The following CD69 variants were observed in gnomAD, a reference collection of about 807,000 sequenced individuals.
CD69 encodes the protein CD69 molecule.
Under a neutral mutation model 21.4 loss-of-function variants are expected in CD69, and 10 were observed. That is an observed-to-expected ratio of 0.47 (90% CI 0.29 to 0.79). CD69 has a LOEUF of 0.79. CD69 is among the 30% of genes least tolerant of loss of function. The probability of loss-of-function intolerance (pLI) is 0.09; values close to 1 mark genes in which losing one functional copy is unlikely to be tolerated. For synonymous variants in CD69, 63 were observed against 78.2 expected (o/e 0.81, Z 1.03); for missense variants, 204 against 236.9 (o/e 0.86, Z 0.91).
intron 1 of CD69, among the ~76,000 whole-genome samples, chr12:9,758,246 G>T (rs931788885): frequency 6.6e-6 from 1 of 152,190 alleles, no homozygotes; most frequent in African/African-American, 2.4e-5. Flanking sequence ...TGCAGGATGA[G>T]CTGTCAGGAG....
rs773321248 is a variant in CD69 at position 9,760,738 on chromosome 12, G to A, written c.64+19C>T. 3 of 1,589,150 alleles carry A rather than the reference G, an allele frequency of 1.9e-6. No homozygotes were observed. The highest frequency in any genetic ancestry group is 1.1e-5 in the South Asian group (1 of 90,550). ...TATAGAGATACCAGAGAGTAAATAG[G>A]CAATCAGATCTGACTTACTTTCTTG... On this transcript the variant is annotated intron_variant, in intron 1 of 4. Transcript: ENST00000228434.
chr12:9,754,621 A>C lies in CD69; in HGVS notation c.457T>G (p.Trp153Gly). ...AATTCTTTGCCATTTGACCACTTCC[A>C]TGGGTGACCAGGTTCCTTTTTCAGT... ...VGLKKEPGHP[W>G]KWSNGKEFNN... Residue 153 changes from tryptophan to glycine, a missense_variant, in exon 4 of 5, where the codon TGG becomes GGG. By Grantham distance (184) the Trp-to-Gly change is radical. Coordinates refer to ENST00000228434, the MANE Select transcript of CD69 (RefSeq NM_001781.2). 6.2e-7 allele frequency: 1 copy of C among 1,612,220 alleles called. No individual in the cohort carries two copies. The highest frequency in any genetic ancestry group is 8.5e-7 in the Non-Finnish European group (1 of 1,178,276).
rs149884332 is a variant in CD69, at chr12:9,760,806, A to G, written c.15T>C (p.Asn5=). 1.2e-5 allele frequency: 20 copies of G among 1,612,178 alleles called. No homozygotes were observed. In the East Asian group the frequency reaches 3.6e-4, roughly 29 times the overall value. Residue 5 remains asparagine, a synonymous_variant, in exon 1 of 5, where the codon AAT becomes AAC. Transcript: ENST00000228434. The part of the protein sequence containing the change: MSSE[N]CFVAENSSLH... ...AAGAGCTGTTCTCTGCTACGAAACA[A>G]TTTTCAGAGCTCATCTTTATTCTCA...
At chr12:9,760,108 A>T (rs1753038864) in intron 1 of CD69, among the ~76,000 whole-genome samples, 1 of 151,898 alleles carries the variant, frequency 6.6e-6, no homozygotes, top group South Asian at 2.1e-4. Context: ...CATTTTCGGG[A>T]ATTCTTTTGT....
chr12:9,756,265 G>C, intron 2 of CD69, 32 bp downstream of exon 2: 4 of 1,590,094 alleles, frequency 2.5e-6, no homozygotes. Flanking sequence ...CAGCTAGGAG[G>C]CTTTGAAAGA....
intron 2 of CD69, 147 bp from the exon 3 acceptor site, chr12:9,755,408 A>G (rs1866671677): frequency 1.5e-6 from 1 of 655,976 alleles, no homozygotes; most frequent in Non-Finnish European, 2.7e-6. Flanking sequence ...AAGGGTATGA[A>G]GAAAGAAAGT....
rs752061491 is a variant in CD69, at chr12:9,756,389, C to T, written c.95G>A (p.Arg32His). ...AGGAACTTGGAAGGACCCTTCATGA[C>T]GTGTTGAGAAATGGGGACTGGTGGC... The part of the protein sequence containing the change: ...NDATSPHFST[R>H]HEGSFQVPVL... The change falls in exon 2 of 5, where the codon CGT becomes CAT. Residue 32 changes from arginine (R) to histidine (H), a missense_variant. Coordinates refer to ENST00000228434, the MANE Select transcript of CD69 (RefSeq NM_001781.2). The T allele has an allele frequency of 1.1e-5, 17 of 1,613,474 alleles. No homozygotes were observed. Among genetic ancestry groups the T allele is most frequent in the South Asian group, 3.3e-5 (3 of 91,044 alleles).
intron 4 of CD69, among the ~76,000 whole-genome samples, chr12:9,753,980 G>C (rs921697700): frequency 6.6e-6 from 1 of 152,134 alleles, no homozygotes; most frequent in African/African-American, 2.4e-5. Flanking sequence ...TGGAGCCATA[G>C]GACAAATATT....
chr12:9,753,475 T>A lies in CD69; in HGVS notation c.*6A>T. 8.5e-7 allele frequency: 1 copy of A among 1,173,134 alleles called. No homozygotes were observed. The highest frequency in any genetic ancestry group is 1.3e-6 in the Non-Finnish European group (1 of 785,558). The allele number at this position is 1,173,134 out of a possible 1,614,324, so 72.7% of individuals were successfully genotyped here. A position where few individuals can be genotyped will look rare whatever the true frequency, so the allele number is the denominator to read the frequency against. On this transcript the variant is annotated 3_prime_UTR_variant, in exon 5 of 5. Transcript: ENST00000228434. The stretch of plus-strand genomic sequence containing the variant: ...ATAATAGTCAATAAGTGAACATGTT[T>A]CCTTATTATTTGTAAGGTTTGTTAC...
chr12:9,754,105 A>T (rs1182451848), intron 4 of CD69: 1 of 153,448 alleles, frequency 6.5e-6, no homozygotes, highest in Admixed American at 6.5e-5. Flanking sequence ...ACTAAAGGTA[A>T]TGAAAATAGA....
At chr12:9,759,820 A>G (rs982030156) in intron 1 of CD69, among the ~76,000 whole-genome samples, 2 of 152,216 alleles carry the variant, frequency 1.3e-5, no homozygotes, top group Non-Finnish European at 2.9e-5. Context: ...CTAAGGAGAA[A>G]GAGGGATAAA....
At chr12:9,760,735 T>C (rs769191470) in intron 1 of CD69, 22 bp downstream of exon 1, 9 of 1,578,134 alleles carry the variant, frequency 5.7e-6, no homozygotes, top group Non-Finnish European at 7.8e-6. Flanking sequence ...AGAGAGTAAA[T>C]AGGCAATCAG....
rs987326485 is a variant in CD69, at chr12:9,759,018, C to T, written c.64+1739G>A. 3.9e-4 allele frequency among the ~76,000 whole-genome samples: 60 copies of T among 152,110 alleles called. No homozygotes were observed. The Middle Eastern group carries it at 0.014, about 34-fold the overall frequency. Reference sequence around the variant, plus strand: ...GATCTCGGCTCACTGCAAGCTCCGCCTCCCGGGTTCACGCCATTCTCCTGC... The same window carrying T: ...GATCTCGGCTCACTGCAAGCTCCGCTTCCCGGGTTCACGCCATTCTCCTGC... On this transcript the variant is annotated intron_variant, in intron 1 of 4. Transcript: ENST00000228434.
intron 1 of CD69, among the ~76,000 whole-genome samples, chr12:9,760,136 A>G (rs1156924022): frequency 6.6e-6 from 1 of 152,168 alleles, no homozygotes; most frequent in African/African-American, 2.4e-5. Flanking sequence ...TTTTTTAGCA[A>G]ATTACAAATG....
rs1459734248 is a variant in CD69 at position 9,753,319 on chromosome 12, CT to C, written c.*161del. Reference sequence around the variant, plus strand: ...GTGCAGATTTTCCTGGAATTTCTTCCTTTTTTTCCATAGTTCTGTTTGGAAG... The same window carrying C: ...GTGCAGATTTTCCTGGAATTTCTTCCTTTTTTCCATAGTTCTGTTTGGAAG... On this transcript the variant is annotated 3_prime_UTR_variant, in exon 5 of 5. Coordinates refer to ENST00000228434, the MANE Select transcript of CD69 (RefSeq NM_001781.2). 7 of 404,108 alleles carry C rather than the reference CT, an allele frequency of 1.7e-5. No individual in the cohort carries two copies. Among genetic ancestry groups the C allele is most frequent in the Non-Finnish European group, 2.7e-5 (6 of 224,444 alleles). The allele number at this position is 404,108 out of a possible 1,614,324, so 25.0% of individuals were successfully genotyped here.
At chr12:9,756,794 C>G (rs753003970) in intron 1 of CD69, among the ~76,000 whole-genome samples, 1 of 152,062 alleles carries the variant, frequency 6.6e-6, no homozygotes, top group African/African-American at 2.4e-5. Context: ...TAAAAAAATT[C>G]TAGGGCATGG....
At chr12:9,757,135 G>C (rs1866686350) in intron 1 of CD69, among the ~76,000 whole-genome samples, 1 of 152,002 alleles carries the variant, frequency 6.6e-6, no homozygotes, top group South Asian at 2.1e-4. Context: ...TAATCTCCTT[G>C]TAGTTACTGT....
chr12:9,756,908 G>A (rs1356735113), intron 1 of CD69, among the ~76,000 whole-genome samples: 2 of 151,938 alleles, frequency 1.3e-5, no homozygotes, highest in South Asian at 4.2e-4. Flanking sequence ...GTGAAACCCT[G>A]TCTCCACCAA....
Position 9,755,263 on chromosome 12 carries a change from T to G in CD69, c.188-2A>C. Reference sequence around the variant, plus strand: ...GGCCTGGACAATTGTATTGGCCCACTGTGAACAGAAAAATGCTTTGTTTTA... The same window carrying G: ...GGCCTGGACAATTGTATTGGCCCACGGTGAACAGAAAAATGCTTTGTTTTA... On this transcript the variant is annotated splice_acceptor_variant, in intron 2 of 4. Transcript: ENST00000228434. LOFTEE classifies it high-confidence loss of function. The G allele has an allele frequency of 6.2e-7, 1 of 1,612,988 alleles. No homozygotes were observed. The highest frequency in any genetic ancestry group is 8.5e-7 in the Non-Finnish European group (1 of 1,179,004).
Sources: allele counts gnomAD v4.1 joint callset (sites outside exome capture counted in the v4.1 genomes callset), GRCh38; gene constraint gnomAD v4.1.1; transcripts MANE v1.5; gene names NCBI Gene and HGNC (gene_info 2026-07-23, HGNC 2026-07-21).